ENO4: variants seen among roughly 807,000 people sequenced by gnomAD.
ENO4 encodes 2-phospho-D-glycerate hydro-lyase.
ENO4 carries 53 observed loss-of-function variants against 63.2 expected under a neutral mutation model. The observed-to-expected ratio is 0.84, with a 90% CI of 0.67 to 1.05. ENO4 has a LOEUF of 1.05. ENO4 is among the 50% of genes least tolerant of loss of function. The probability of loss-of-function intolerance (pLI) is 0.00; values close to 1 mark genes in which losing one functional copy is unlikely to be tolerated. For synonymous variants in ENO4, 266 were observed against 283.8 expected (o/e 0.94, Z 0.63); for missense variants, 719 against 772.0 (o/e 0.93, Z 0.81).
chr10:116,877,556 G>A (rs576297898), intron 11 of ENO4, among the ~76,000 whole-genome samples: 26 of 152,052 alleles, frequency 1.7e-4, no homozygotes, highest in Non-Finnish European at 3.5e-4. Flanking sequence ...GCAAGGGTAG[G>A]TTCACTACTA....
At chr10:116,886,531 A>T (rs775388229), downstream of ENO4, 7 of 1,614,072 alleles carry the variant, frequency 4.3e-6, no homozygotes, top group Non-Finnish European at 5.1e-6. Context: ...TTCACCGTCA[A>T]TGTATTTTTT....
At chr10:116,868,733 T>C (rs1425078475) in intron 8 of ENO4, 27 bp downstream of exon 8, 1 of 1,536,330 alleles carries the variant, frequency 6.5e-7, no homozygotes, top group South Asian at 1.2e-5. Context: ...TTTACCATCC[T>C]TCCATATGAC....
intron 9 of ENO4, among the ~76,000 whole-genome samples, chr10:116,872,203 A>G (rs1228201081): frequency 1.3e-5 from 2 of 152,200 alleles, no homozygotes; most frequent in Non-Finnish European, 2.9e-5. Flanking sequence ...ATCTCAAAAC[A>G]AAAAACAAGC....
At position 116,878,933 on chromosome 10, in the gene ENO4, C is replaced by T. The variant is rs186029227; in HGVS notation, c.1538-358C>T. Reference sequence around the variant, plus strand: ...TAATTTTTTGTATTTTTAGTAGAGACGGGGTTTCACCGTGTTAGCCAGGAT... The same window carrying T: ...TAATTTTTTGTATTTTTAGTAGAGATGGGGTTTCACCGTGTTAGCCAGGAT... On this transcript the variant is annotated intron_variant, in intron 11 of 13. Coordinates refer to ENST00000341276, the MANE Select transcript of ENO4 (RefSeq NM_001242699.2). Among the ~76,000 whole-genome samples the T allele has an allele frequency of 4.2e-3, 640 of 151,886 alleles. 7 individuals carry two copies. The highest frequency in any genetic ancestry group is 0.015 in the African/African-American group (604 of 41,410).
chr10:116,896,768 G>C (rs1589782787), intron 10 of ENO4, among the ~76,000 whole-genome samples: 1 of 150,324 alleles, frequency 6.7e-6, no homozygotes, highest in East Asian at 2.0e-4. Flanking sequence ...AGGTGGGAAA[G>C]ACTGCCCAAT....
intron 1 of ENO4, among the ~76,000 whole-genome samples, chr10:116,851,042 G>A (rs1846066333): frequency 6.6e-6 from 1 of 152,042 alleles, no homozygotes; most frequent in Non-Finnish European, 1.5e-5. Context: ...CTATTCTAAC[G>A]TCCTCATTTT....
rs1846261545 is a variant in ENO4 at position 116,856,500 on chromosome 10, TTC to T, written c.305_306del (p.Ser102CysfsTer8). The T allele has an allele frequency of 6.5e-7, 1 of 1,536,016 alleles. No homozygotes were observed. Among genetic ancestry groups the T allele is most frequent in the East Asian group, 2.4e-5 (1 of 40,900 alleles). ...TIQNFPKNVCSVVISTHFEVH... is the reference protein window; with the variant it reads ...TIQNFPKNVCXVVISTHFEVH... ...ATTTATATGATTTTCAGAACGTATG[TTC>T]TGTGGTGATCTCGACTCATTTTGAA... is the stretch of plus-strand genomic sequence containing the variant. On this transcript the variant is annotated frameshift_variant, in exon 3 of 14. Coordinates refer to ENST00000341276, the MANE Select transcript of ENO4 (RefSeq NM_001242699.2). LOFTEE classifies it high-confidence loss of function.
chr10:116,859,676 T>C (rs1338059530), intron 4 of ENO4, among the ~76,000 whole-genome samples: 1 of 152,222 alleles, frequency 6.6e-6, no homozygotes, highest in Non-Finnish European at 1.5e-5. Context: ...GGAGCTGCTC[T>C]TGGTATAATA....
intron 10 of ENO4, among the ~76,000 whole-genome samples, chr10:116,904,279 C>T (rs1303678485): frequency 1.3e-5 from 2 of 152,064 alleles, no homozygotes; most frequent in Admixed American, 6.6e-5. Flanking sequence ...TGCTTACTTT[C>T]CCCCCTGGAA....
rs1428378166 is a variant in ENO4, at chr10:116,849,728, C to G, written c.162C>G (p.His54Gln). ...FYLQPADVYG[H>Q]LANCFSKLAK... Reference sequence around the variant, plus strand: ...TCCAGCCTGCCGACGTCTACGGGCACCTGGTAGGGACCTGGGACAAGCGCT... The same window carrying G: ...TCCAGCCTGCCGACGTCTACGGGCAGCTGGTAGGGACCTGGGACAAGCGCT... Residue 54 changes from histidine to glutamine, a missense_variant, in exon 1 of 14, where the codon CAC becomes CAG. Coordinates refer to ENST00000341276, the MANE Select transcript of ENO4 (RefSeq NM_001242699.2). 2 of 1,521,002 alleles carry G rather than the reference C, an allele frequency of 1.3e-6. No homozygotes were observed. The highest frequency in any genetic ancestry group is 1.3e-5 in the South Asian group (1 of 79,046). The allele number at this position is 1,521,002 out of a possible 1,614,324, so 94.2% of individuals were successfully genotyped here.
At chr10:116,897,822 T>C (rs761391413) in intron 10 of ENO4, among the ~76,000 whole-genome samples, 4 of 152,128 alleles carry the variant, frequency 2.6e-5, no homozygotes, top group Non-Finnish European at 5.9e-5. Flanking sequence ...GTCTTGGAAA[T>C]AACTGGATGC....
chr10:116,852,070 C>A (rs937583765), intron 1 of ENO4, among the ~76,000 whole-genome samples: 3 of 152,050 alleles, frequency 2.0e-5, no homozygotes, highest in Non-Finnish European at 4.4e-5. Context: ...GGTGGTTACT[C>A]TCATGCTGTT....
At chr10:116,880,722 G>A (rs1318050676) in intron 13 of ENO4, among the ~76,000 whole-genome samples, 1 of 152,154 alleles carries the variant, frequency 6.6e-6, no homozygotes, top group African/African-American at 2.4e-5. Context: ...GCAGTCAAAA[G>A]TTAGTCTGTA....
At chr10:116,862,669 G>C in intron 6 of ENO4, 130 bp from the exon 7 acceptor site, 1 of 637,636 alleles carries the variant, frequency 1.6e-6, no homozygotes, top group Non-Finnish European at 2.8e-6. Context: ...TACTGATTTT[G>C]TAGAGCATAT....
intron 6 of ENO4, among the ~76,000 whole-genome samples, chr10:116,862,028 A>G (rs1846428396): frequency 6.6e-6 from 1 of 152,190 alleles, no homozygotes; most frequent in Non-Finnish European, 1.5e-5. Flanking sequence ...AGCACGAGGA[A>G]TGCCATTCTT....
At position 116,905,642 on chromosome 10, in the gene ENO4, T is replaced by A. The variant is rs553062660; in HGVS notation, c.1195-5857T>A. Among the ~76,000 whole-genome samples the A allele has an allele frequency of 7.4e-4, 112 of 152,336 alleles. 2 individuals carry two copies. In the South Asian group the frequency reaches 0.022, roughly 30 times the overall value. Reference sequence around the variant, plus strand: ...TTGATGATCAAAAACCCATCTTTAATATTCTTGCTACTTAAATTTGGTCAA... The same window carrying A: ...TTGATGATCAAAAACCCATCTTTAAAATTCTTGCTACTTAAATTTGGTCAA... On this transcript the variant is annotated intron_variant, in intron 10 of 10. Transcript: ENST00000369207.
intron 9 of ENO4, among the ~76,000 whole-genome samples, chr10:116,871,557 C>T (rs1439675529): frequency 1.3e-5 from 2 of 152,082 alleles, no homozygotes; most frequent in African/African-American, 4.8e-5. Context: ...GAGTTACTTA[C>T]ATTGCAATCC....
chr10:116,853,712 TA>T (rs1846161834), intron 1 of ENO4, among the ~76,000 whole-genome samples: 1 of 152,190 alleles, frequency 6.6e-6, no homozygotes, highest in African/African-American at 2.4e-5. Flanking sequence ...CTCCTGATTC[TA>T]AATTCATTTA....
At chr10:116,911,993 G>A, downstream of ENO4, 1 of 622,890 alleles carries the variant, frequency 1.6e-6, no homozygotes, top group Non-Finnish European at 2.8e-6. Context: ...CTTAAGGTTA[G>A]GAAAAAATAC....
Sources: gnomAD v4.1 joint callset for allele counts (sites outside exome capture counted in the v4.1 genomes callset) on GRCh38, gnomAD v4.1.1 for gene constraint, MANE v1.5 for transcripts, NCBI Gene and HGNC (gene_info 2026-07-23, HGNC 2026-07-21) for gene names.